The following ARFIP1 variants were observed in gnomAD, a reference collection of about 807,000 sequenced individuals.
The protein encoded by ARFIP1 is ARF interacting protein 1.
Under a neutral mutation model 42.5 loss-of-function variants are expected in ARFIP1, and 24 were observed. The ratio of observed to expected loss-of-function variants is 0.57; its 90% CI spans 0.41 to 0.80. ARFIP1 has a LOEUF of 0.80. Ranked by LOEUF, ARFIP1 falls within the 30% of genes least tolerant of loss-of-function variation. The probability of loss-of-function intolerance (pLI) is 0.00; values close to 1 mark genes in which losing one functional copy is unlikely to be tolerated. For missense variants in ARFIP1, 354 were observed against 434.0 expected (o/e 0.82, Z 1.64); for synonymous variants, 141 against 153.7 (o/e 0.92, Z 0.61).
At chr4:152,787,317 A>G (rs1438061608) in intron 1 of ARFIP1, among the ~76,000 whole-genome samples, 1 of 152,232 alleles carries the variant, frequency 6.6e-6, no homozygotes, top group Non-Finnish European at 1.5e-5. Flanking sequence ...ATGCTGCAAA[A>G]TTCAAAACTT....
intron 8 of ARFIP1, among the ~76,000 whole-genome samples, chr4:152,891,241 A>AGCATAGATATTCTTTACT (rs1372770344): frequency 4.6e-5 from 7 of 152,256 alleles, no homozygotes; most frequent in Non-Finnish European, 1.0e-4. Context: ...TGCAGCAGAT[A>AGCATAGATATTCTTTACT]GCATAGATAT....
intron 2 of ARFIP1, among the ~76,000 whole-genome samples, chr4:152,851,944 A>G (rs1342302001): frequency 6.6e-6 from 1 of 152,230 alleles, no homozygotes; most frequent in Non-Finnish European, 1.5e-5. Flanking sequence ...TATTACTACA[A>G]ATATTACTTT....
chr4:152,786,475 C>A (rs1313784803), intron 1 of ARFIP1, among the ~76,000 whole-genome samples: 3 of 152,170 alleles, frequency 2.0e-5, no homozygotes, highest in African/African-American at 7.2e-5. Context: ...AATGATTGAA[C>A]AAGTTTTTAA....
intron 1 of ARFIP1, among the ~76,000 whole-genome samples, chr4:152,785,308 A>ATAC (rs1267584073): frequency 6.6e-6 from 1 of 152,232 alleles, no homozygotes. Context: ...CATACCAAAT[A>ATAC]GGTAGAGCAG....
intron 8 of ARFIP1, among the ~76,000 whole-genome samples, chr4:152,897,200 A>T (rs1737413536): frequency 6.6e-6 from 1 of 152,216 alleles, no homozygotes; most frequent in African/African-American, 2.4e-5. Flanking sequence ...AACTAGACTC[A>T]TCCAACCCAT....
In ARFIP1 at chr4:152,859,956, T is replaced by C. The variant is rs368021932; in HGVS notation, c.94-3650T>C. Among the ~76,000 whole-genome samples, 14 of 151,988 alleles carry C rather than the reference T, an allele frequency of 9.2e-5. No homozygotes were observed. The East Asian group carries it at 9.7e-4, about 10-fold the overall frequency. On this transcript the variant is annotated intron_variant, in intron 2 of 8. Coordinates refer to ENST00000353617, the MANE Select transcript of ARFIP1 (RefSeq NM_001025595.3). ...AGTATAATAAGGGTGGAAATACTTATAATTTCATGACTTTGTCACTCAAAA... is the reference window on the plus strand; with the variant it reads ...AGTATAATAAGGGTGGAAATACTTACAATTTCATGACTTTGTCACTCAAAA...
chr4:152,827,686 G>T (rs1730950332), intron 1 of ARFIP1, among the ~76,000 whole-genome samples: 1 of 151,846 alleles, frequency 6.6e-6, no homozygotes, highest in Non-Finnish European at 1.5e-5. Context: ...TGGGTTTTTT[G>T]TTTGTTTGAG....
Position 152,881,146 on chromosome 4 carries a change from G to A in ARFIP1, c.595G>A (p.Ala199Thr), listed in dbSNP as rs773658881. ...MVHTQRQLGDAFADLSLKSLE... is the reference protein window; with the variant it reads ...MVHTQRQLGDTFADLSLKSLE... ...ACATACCCAAAGGCAACTTGGAGATGCATTTGCTGACCTGAGTTTGAAGTC... is the reference window on the plus strand; with the variant it reads ...ACATACCCAAAGGCAACTTGGAGATACATTTGCTGACCTGAGTTTGAAGTC... Residue 199 changes from alanine (A) to threonine (T), a missense_variant, in exon 6 of 9, where the codon GCA (alanine) becomes ACA (threonine). Transcript: ENST00000353617. 7.4e-6 allele frequency: 12 copies of A among 1,613,488 alleles called. No homozygotes were observed. Among genetic ancestry groups the A allele is most frequent in the Non-Finnish European group, 9.3e-6 (11 of 1,179,768 alleles).
chr4:152,796,419 T>C (rs1731472988), intron 1 of ARFIP1: 1 of 741,318 alleles, frequency 1.3e-6, no homozygotes, highest in African/African-American at 1.7e-5. Flanking sequence ...GCCTTCTTCT[T>C]TCTCTTTCCT....
At chr4:152,872,604 A>T in intron 5 of ARFIP1, 40 bp downstream of exon 5, 2 of 1,215,046 alleles carry the variant, frequency 1.6e-6, no homozygotes, top group Non-Finnish European at 2.3e-6. Flanking sequence ...AATGGCTCTA[A>T]AAAAGTTCAT....
chr4:152,852,997 T>A (rs1578936022), intron 2 of ARFIP1, among the ~76,000 whole-genome samples: 1 of 152,292 alleles, frequency 6.6e-6, no homozygotes, highest in South Asian at 2.1e-4. Context: ...TGGAAGAACT[T>A]TTGTTTGTTT....
intron 5 of ARFIP1, among the ~76,000 whole-genome samples, chr4:152,873,138 T>C (rs1735027455): frequency 6.6e-6 from 1 of 152,214 alleles, no homozygotes; most frequent in Non-Finnish European, 1.5e-5. Flanking sequence ...TACAAACAGC[T>C]CAACCCCCAA....
At chr4:152,903,774 C>T (rs1477557057) in intron 8 of ARFIP1, among the ~76,000 whole-genome samples, 1 of 152,002 alleles carries the variant, frequency 6.6e-6, no homozygotes, top group African/African-American at 2.4e-5. Flanking sequence ...GAGCCTGAGC[C>T]TTTGTTAGTG....
intron 1 of ARFIP1, among the ~76,000 whole-genome samples, chr4:152,827,280 A>G (rs1730911739): frequency 6.6e-6 from 1 of 152,202 alleles, no homozygotes; most frequent in African/African-American, 2.4e-5. Flanking sequence ...TATTTTCAAG[A>G]GCAGTTTTCA....
Position 152,847,124 on chromosome 4 carries a change from C to CTTTTTTTTTTTTTTTTTTTTTTTTTTTT in ARFIP1, c.94-16458_94-16457insTTTTTTTTTTTTTTTTTTTTTTTTTTTT, listed in dbSNP as rs771661005. ...GTATGTTAATGTTTTTAGGTTTGTT[C>CTTTTTTTTTTTTTTTTTTTTTTTTTTTT]TTTTTTTTTTTTTTTTTTTTTTTTG... On this transcript the variant is annotated intron_variant, in intron 2 of 8. Transcript: ENST00000353617. Among the ~76,000 whole-genome samples, 10 of 40,554 alleles carry CTTTTTTTTTTTTTTTTTTTTTTTTTTTT rather than the reference C, an allele frequency of 2.5e-4. 2 individuals carry two copies. The highest frequency in any genetic ancestry group is 3.6e-4 in the Non-Finnish European group (8 of 22,240). The allele number at this position is 40,554 out of a possible 152,430, so 26.6% of individuals were successfully genotyped here.
chr4:152,781,837 G>A (rs772287758), intron 1 of ARFIP1, among the ~76,000 whole-genome samples: 1 of 152,184 alleles, frequency 6.6e-6, no homozygotes, highest in Non-Finnish European at 1.5e-5. Context: ...ATGATGACTT[G>A]GGGTTCATGG....
At chr4:152,836,281 C>T (rs1428317064) in intron 2 of ARFIP1, among the ~76,000 whole-genome samples, 1 of 152,126 alleles carries the variant, frequency 6.6e-6, no homozygotes, top group Non-Finnish European at 1.5e-5. Flanking sequence ...TAAGTATTCT[C>T]ACCCACACAT....
intron 1 of ARFIP1, among the ~76,000 whole-genome samples, chr4:152,781,381 A>G (rs1341034965): frequency 1.3e-5 from 2 of 151,786 alleles, no homozygotes; most frequent in African/African-American, 4.8e-5. Flanking sequence ...GTTTACAGGT[A>G]GGCGCCACTA....
chr4:152,897,763 T>G (rs11939543), intron 8 of ARFIP1, among the ~76,000 whole-genome samples: 1 of 152,064 alleles, frequency 6.6e-6, no homozygotes, highest in Non-Finnish European at 1.5e-5. Context: ...GGTGAGTTTT[T>G]AAGTGATCAA....
Sources: allele counts gnomAD v4.1 joint callset (sites outside exome capture counted in the v4.1 genomes callset), GRCh38; gene constraint gnomAD v4.1.1; transcripts MANE v1.5; gene names NCBI Gene and HGNC (gene_info 2026-07-23, HGNC 2026-07-21).